The following FKBP3 variants were observed in gnomAD, a reference collection of about 807,000 sequenced individuals.
FKBP3 encodes peptidyl-prolyl cis-trans isomerase FKBP3.
A neutral mutation model predicts 30.6 loss-of-function variants in FKBP3; 21 were observed. The observed-to-expected ratio is 0.69, with a 90% confidence interval of 0.49 to 0.99. The LOEUF (loss-of-function observed/expected upper bound fraction) is 0.99, where lower values mean the gene tolerates loss of function less well. Among genes scored for constraint, FKBP3 ranks in the 50% least tolerant of loss-of-function variants. The pLI is 0.00. For missense variants in FKBP3, 283 were observed against 261.6 expected, an observed-to-expected ratio of 1.08 and a Z score of -0.56; for synonymous variants, 82 against 91.3, an observed-to-expected ratio of 0.90 and a Z score of 0.58.
intron 6 of FKBP3, among the ~76,000 whole-genome samples, chr14:45,117,481 A>AT (rs146055248): frequency 5.3e-5 from 8 of 149,866 alleles, no homozygotes; most frequent in South Asian, 2.1e-4. Context: ...GTCATTCCTT[A>AT]TTTTTTTTTT....
At chr14:45,130,401 T>A (rs181638132) in intron 2 of FKBP3, among the ~76,000 whole-genome samples, 10 of 152,350 alleles carry the variant, frequency 6.6e-5, no homozygotes, top group Admixed American at 6.5e-4. Context: ...ATACACCATA[T>A]GCTAAAGTAA....
chr14:45,127,506 T>G (rs1329819663), intron 3 of FKBP3, among the ~76,000 whole-genome samples: 1 of 152,122 alleles, frequency 6.6e-6, no homozygotes, highest in Non-Finnish European at 1.5e-5. Flanking sequence ...ATACCATCAT[T>G]TCAATAAGTA....
At position 45,116,249 on chromosome 14, in the gene FKBP3, A is replaced by G; in HGVS notation, c.624T>C (p.Ile208=). ...CAAAAGTGAGTTTTGCATTTGGTGGAATTCTGTTGAAGAAGTCAAGGTACA... is the reference window on the plus strand; with the variant it reads ...CAAAAGTGAGTTTTGCATTTGGTGGGATTCTGTTGAAGAAGTCAAGGTACA... ...YGKKGQPDAK[I]PPNAKLTFEV... is the part of the protein sequence containing the mutation. The change falls in exon 7 of 7, where the codon ATT becomes ATC. Residue 208 remains isoleucine (I), a synonymous_variant. Coordinates refer to ENST00000396062, the MANE Select transcript of FKBP3 (RefSeq NM_002013.4). 1 of 1,612,352 alleles carries G rather than the reference A, an allele frequency of 6.2e-7. No individual in the cohort carries two copies. The highest frequency in any genetic ancestry group is 8.5e-7 in the Non-Finnish European group (1 of 1,178,534).
Position 45,120,972 on chromosome 14 carries a change from CT to C in FKBP3, c.455-19del. On this transcript the variant is annotated intron_variant, in intron 4 of 6. Transcript: ENST00000396062. Reference sequence around the variant, plus strand: ...CTTTGCACCTGTAAAACAGATTTTCCTTATCATTAATGATATACTCTAATTT... The same window carrying C: ...CTTTGCACCTGTAAAACAGATTTTCCTATCATTAATGATATACTCTAATTT... 6.3e-7 allele frequency: 1 copy of C among 1,596,786 alleles called. No homozygotes were observed.
chr14:45,122,890 A>T lies in FKBP3; in HGVS notation c.319-1270T>A, dbSNP rs73340642. Among the ~76,000 whole-genome samples the T allele has an allele frequency of 1.5e-3, 230 of 151,716 alleles. 1 individual carries two copies. The highest frequency in any genetic ancestry group is 4.1e-3 in the African/African-American group (170 of 41,392). Reference sequence around the variant, plus strand: ...GCTGAAGGTTTTATCCTTTTCCAAAACTTGTAAGTAAAAATATCTGTGCTG... The same window carrying T: ...GCTGAAGGTTTTATCCTTTTCCAAATCTTGTAAGTAAAAATATCTGTGCTG... On this transcript the variant is annotated intron_variant, in intron 3 of 6. Transcript: ENST00000396062.
chr14:45,128,586 CA>C (rs1321445446), intron 3 of FKBP3, among the ~76,000 whole-genome samples: 1 of 152,106 alleles, frequency 6.6e-6, no homozygotes, highest in Non-Finnish European at 1.5e-5. Context: ...AGCATGAAGA[CA>C]GAGAGTAGAC....
Position 45,118,120 on chromosome 14 carries a change from A to G in FKBP3, c.528T>C (p.Asp176=), listed in dbSNP as rs1484133608. 3.8e-6 allele frequency: 6 copies of G among 1,592,808 alleles called. No individual in the cohort carries two copies. The highest frequency in any genetic ancestry group is 1.9e-5 in the Admixed American group (1 of 53,958). The part of the protein sequence containing the change: ...VGVGKVIRGW[D]EALLTMSKGE... ...CTTTACTCATAGTCAAGAGAGCTTC[A>G]TCCCACTAAAGGCAAGAACAAAATA... Residue 176 remains aspartate (D), a synonymous_variant, in exon 6 of 7, where the codon GAT becomes GAC. Coordinates refer to ENST00000396062, the MANE Select transcript of FKBP3 (RefSeq NM_002013.4).
In FKBP3 at chr14:45,134,381, T is replaced by C. The variant is rs1169431493; in HGVS notation, c.76A>G (p.Ile26Val). The change falls in exon 1 of 7, where the codon ATC becomes GTC. Residue 26 changes from isoleucine to valine, a missense_variant. Transcript: ENST00000396062. ...RSEQLPKKDI[I>V]KFLQEHGSDS... ...GAACCGTGTTCCTGCAGAAACTTGA[T>C]AATGTCCTTCTTGGGCAGCTGCTCA... 3.1e-6 allele frequency: 5 copies of C among 1,613,810 alleles called. No homozygotes were observed. Among genetic ancestry groups the C allele is most frequent in the African/African-American group, 1.3e-5 (1 of 74,936 alleles).
rs187826977 is a variant in FKBP3 at position 45,117,091 on chromosome 14, C to T, written c.621-839G>A. 2.4e-4 allele frequency among the ~76,000 whole-genome samples: 37 copies of T among 152,098 alleles called. 1 individual carries two copies. The East Asian group carries it at 6.4e-3, about 27-fold the overall frequency. On this transcript the variant is annotated intron_variant, in intron 6 of 6. Coordinates refer to ENST00000396062, the MANE Select transcript of FKBP3 (RefSeq NM_002013.4). ...GGTTCAAGTGATTCTCCTGCCACAGCCTCCAGGGTAGCTGGGATTACAGGC... is the reference window on the plus strand; with the variant it reads ...GGTTCAAGTGATTCTCCTGCCACAGTCTCCAGGGTAGCTGGGATTACAGGC...
intron 5 of FKBP3, among the ~76,000 whole-genome samples, chr14:45,120,675 T>C (rs1272868072): frequency 6.6e-6 from 1 of 152,224 alleles, no homozygotes; most frequent in African/African-American, 2.4e-5. Context: ...TCTAAAAACC[T>C]TGAGGTAGGC....
intron 1 of FKBP3, among the ~76,000 whole-genome samples, chr14:45,134,083 C>T (rs958992395): frequency 6.6e-6 from 1 of 152,202 alleles, no homozygotes; most frequent in Non-Finnish European, 1.5e-5. Context: ...CCTCCACCCC[C>T]ACTCAAGGAT....
Position 45,134,366 on chromosome 14 carries a change from C to T in FKBP3, c.91G>A (p.Glu31Lys). ...PKKDIIKFLQ[E>K]HGSDSFLAEH... ...TCTGGTACCGAATCTGAACCGTGTT[C>T]CTGCAGAAACTTGATAATGTCCTTC... The change falls in exon 1 of 7, where the codon GAA becomes AAA. Residue 31 changes from glutamate (E) to lysine (K), a missense_variant. Transcript: ENST00000396062. The T allele has an allele frequency of 6.2e-7, 1 of 1,613,754 alleles. No individual in the cohort carries two copies. The highest frequency in any genetic ancestry group is 8.5e-7 in the Non-Finnish European group (1 of 1,179,754).
chr14:45,118,661 T>C (rs149420754), intron 5 of FKBP3, among the ~76,000 whole-genome samples: 7 of 151,860 alleles, frequency 4.6e-5, no homozygotes, highest in Non-Finnish European at 8.8e-5. Flanking sequence ...AAAAAAAAAC[T>C]TTTTGTAAAC....
intron 1 of FKBP3, among the ~76,000 whole-genome samples, chr14:45,133,873 T>A (rs917502242): frequency 1.4e-4 from 21 of 152,226 alleles, no homozygotes; most frequent in African/African-American, 3.6e-4. Context: ...ACGGATTTTT[T>A]AAAAATCACA....
intron 1 of FKBP3, 102 bp downstream of exon 1, chr14:45,134,247 A>G (rs1885314979): frequency 1.0e-6 from 1 of 977,254 alleles, no homozygotes; most frequent in African/African-American, 1.7e-5. Context: ...CCGCGGGAAG[A>G]CGAGGGCGGG....
chr14:45,119,582 T>C (rs117955672), intron 5 of FKBP3, among the ~76,000 whole-genome samples: 4,086 of 151,686 alleles, frequency 0.027, 74 homozygotes, highest in Non-Finnish European at 0.038. Context: ...AAAAAAAGAA[T>C]ACGGTAGACT....
chr14:45,119,069 A>C (rs189260461), intron 5 of FKBP3, among the ~76,000 whole-genome samples: 1 of 152,256 alleles, frequency 6.6e-6, no homozygotes, highest in Non-Finnish European at 1.5e-5. Flanking sequence ...GCAAAAGGTA[A>C]AACTAACTTT....
At chr14:45,119,160 G>C (rs1355981816) in intron 5 of FKBP3, among the ~76,000 whole-genome samples, 1 of 152,202 alleles carries the variant, frequency 6.6e-6, no homozygotes. Context: ...TCCACAAACA[G>C]TTAAATCCAC....
rs1825589007 is a variant in FKBP3 at position 45,116,080 on chromosome 14, A to C, written c.*118T>G. 4.2e-6 allele frequency: 3 copies of C among 709,056 alleles called. No individual in the cohort carries two copies. The Admixed American group carries it at 6.9e-5, about 16-fold the overall frequency. The allele number at this position is 709,056 out of a possible 1,614,324, so 43.9% of individuals were successfully genotyped here. A position where few individuals can be genotyped will look rare whatever the true frequency, so the allele number is the denominator to read the frequency against. On this transcript the variant is annotated 3_prime_UTR_variant, in exon 7 of 7. Coordinates refer to ENST00000396062, the MANE Select transcript of FKBP3 (RefSeq NM_002013.4). Reference sequence around the variant, plus strand: ...GTAAACAAATTTTATTAACTCCTTGAATTTTCCAGTTGACTCTTCCTTTAC... The same window carrying C: ...GTAAACAAATTTTATTAACTCCTTGCATTTTCCAGTTGACTCTTCCTTTAC...
Sources: allele counts gnomAD v4.1 joint callset (sites outside exome capture counted in the v4.1 genomes callset), GRCh38; gene constraint gnomAD v4.1.1; transcripts MANE v1.5; gene names NCBI Gene and HGNC (gene_info 2026-07-23, HGNC 2026-07-21).